The following CR1 variants were observed in gnomAD, a reference collection of about 807,000 sequenced individuals.
The protein encoded by CR1 is complement receptor type 1.
Under a neutral mutation model 187.3 loss-of-function variants are expected in CR1, and 116 were observed. The ratio of observed to expected loss-of-function variants is 0.62; its 90% confidence interval spans 0.53 to 0.72. The LOEUF (loss-of-function observed/expected upper bound fraction) is 0.72. Ranked by LOEUF, CR1 falls within the 30% of genes least tolerant of loss-of-function variation. The probability of loss-of-function intolerance (pLI) is 0.00; values close to 1 mark genes in which losing one functional copy is unlikely to be tolerated. For synonymous variants in CR1, 576 were observed against 747.1 expected (o/e 0.77, Z 3.73); for missense variants, 1,731 against 2,110.7 (o/e 0.82, Z 3.52).
rs754960603 is a variant in CR1 at position 207,618,173 on chromosome 1, A to G, written c.6992A>G (p.Tyr2331Cys). 1 of 1,613,832 alleles carries G rather than the reference A, an allele frequency of 6.2e-7. No homozygotes were observed. Among genetic ancestry groups the G allele is most frequent in the South Asian group, 1.1e-5 (1 of 91,072 alleles). Reference protein sequence around the residue: ...MTISYICDPGYLLVGKGFIFC... With the variant: ...MTISYICDPGCLLVGKGFIFC... Reference sequence around the variant, plus strand: ...ATCAGCTACATTTGTGACCCCGGCTACCTGTTAGTGGGAAAGGGCTTCATT... The same window carrying G: ...ATCAGCTACATTTGTGACCCCGGCTGCCTGTTAGTGGGAAAGGGCTTCATT... Residue 2331 changes from tyrosine (Y) to cysteine (C), a missense_variant, in exon 42 of 47, where the codon TAC becomes TGC. Physicochemically the swap from Tyr to Cys is radical, Grantham distance 194. Coordinates refer to ENST00000367049, the MANE Select transcript of CR1 (RefSeq NM_000651.6).
chr1:207,577,402 A>G (rs1660785900), intron 28 of CR1, among the ~76,000 whole-genome samples: 1 of 152,232 alleles, frequency 6.6e-6, no homozygotes, highest in African/African-American at 2.4e-5. Context: ...TGAGAATAAT[A>G]TTGTCAATAT....
chr1:207,626,853 G>T (rs1310197074), intron 45 of CR1, among the ~76,000 whole-genome samples: 1 of 152,078 alleles, frequency 6.6e-6, no homozygotes, highest in Admixed American at 6.5e-5. Context: ...GCCTGGCCAA[G>T]ATGGCAAAAC....
At chr1:207,605,434 A>G (rs941211868) in intron 35 of CR1, among the ~76,000 whole-genome samples, 2 of 152,120 alleles carry the variant, frequency 1.3e-5, no homozygotes, top group African/African-American at 4.8e-5. Context: ...CAACAGAAAC[A>G]TATATCAAAA....
At chr1:207,593,047 C>T (rs1661320698) in intron 35 of CR1, among the ~76,000 whole-genome samples, 1 of 139,540 alleles carries the variant, frequency 7.2e-6, no homozygotes, top group Non-Finnish European at 1.5e-5. Flanking sequence ...TCAATGCTAT[C>T]CCCATCAAAT....
intron 35 of CR1, among the ~76,000 whole-genome samples, chr1:207,606,749 G>A (rs1430935769): frequency 6.6e-6 from 1 of 152,114 alleles, no homozygotes; most frequent in African/African-American, 2.4e-5. Flanking sequence ...CAAGTGTAGG[G>A]GTGTTTAGCT....
chr1:207,613,979 C>T (rs745592856), intron 39 of CR1, among the ~76,000 whole-genome samples: 2 of 152,110 alleles, frequency 1.3e-5, no homozygotes, highest in Non-Finnish European at 2.9e-5. Flanking sequence ...CTTACCAAAT[C>T]GAGAGCTGTT....
intron 41 of CR1, among the ~76,000 whole-genome samples, chr1:207,617,540 T>TGTGTA (rs1558271403): frequency 1.4e-4 from 14 of 101,604 alleles, no homozygotes; most frequent in Non-Finnish European, 2.0e-4. Flanking sequence ...TGTGTGTGTA[T>TGTGTA]GTGTGTATAT....
chr1:207,641,378 G>C lies in CR1; in HGVS notation c.*1969G>C, dbSNP rs956738592. ...TATTTTGGAGACAGGGTCTTGCTCT[G>C]TTACCCAGGCTGGAGTGCAGTGGTG... On this transcript the variant is annotated 3_prime_UTR_variant, in exon 47 of 47. Transcript: ENST00000367049. 1 of 152,012 alleles carries C rather than the reference G, an allele frequency of 6.6e-6. No homozygotes were observed. The highest frequency in any genetic ancestry group is 1.5e-5 in the Non-Finnish European group (1 of 68,008). The allele number at this position is 152,012 out of a possible 1,614,324, so 9.4% of individuals were successfully genotyped here.
chr1:207,588,137 G>A (rs1216574401), intron 34 of CR1, among the ~76,000 whole-genome samples: 1 of 152,092 alleles, frequency 6.6e-6, no homozygotes, highest in Non-Finnish European at 1.5e-5. Context: ...GACTTGTTTT[G>A]TTTTTGTTTT....
chr1:207,631,155 C>T (rs1265282992), intron 46 of CR1, among the ~76,000 whole-genome samples: 1 of 152,176 alleles, frequency 6.6e-6, no homozygotes, highest in Non-Finnish European at 1.5e-5. Flanking sequence ...CTATTCAAAG[C>T]AGGCTTACTG....
At chr1:207,609,730 G>T (rs12062039) in intron 37 of CR1, 42 bp downstream of exon 37, 1 of 1,502,892 alleles carries the variant, frequency 6.7e-7, no homozygotes, top group Non-Finnish European at 8.9e-7. Flanking sequence ...GTGAGGGTAC[G>T]TATAGATGAT....
chr1:207,597,285 C>T (rs1200755547), intron 35 of CR1, among the ~76,000 whole-genome samples: 1 of 151,952 alleles, frequency 6.6e-6, no homozygotes, highest in African/African-American at 2.4e-5. Context: ...TGAATGATTC[C>T]AATCCCCCCT....
At chr1:207,523,041 G>A (rs188894255) in intron 4 of CR1, among the ~76,000 whole-genome samples, 2 of 152,062 alleles carry the variant, frequency 1.3e-5, no homozygotes, top group Admixed American at 1.3e-4. Flanking sequence ...ATTACATTTG[G>A]AAGTATATTT....
At chr1:207,624,151 C>T (rs1027495723) in intron 45 of CR1, among the ~76,000 whole-genome samples, 1 of 151,968 alleles carries the variant, frequency 6.6e-6, no homozygotes, top group South Asian at 2.1e-4. Context: ...GTCTTGAATT[C>T]CTGACCTCAA....
Position 207,611,783 on chromosome 1 carries a change from C to T in CR1, c.6402C>T (p.Asp2134=). ...TCTACAGCTGTGAGCCCAGCTATGA[C>T]CTCAGAGGGGCTGCGTCTCTGCACT... ...EVFYSCEPSY[D]LRGAASLHCT... The change falls in exon 38 of 47, where the codon GAC becomes GAT. Residue 2134 remains aspartate, a synonymous_variant. Coordinates refer to ENST00000367049, the MANE Select transcript of CR1 (RefSeq NM_000651.6). The T allele has an allele frequency of 6.2e-7, 1 of 1,614,000 alleles. No homozygotes were observed. Among genetic ancestry groups the T allele is most frequent in the Middle Eastern group, 1.6e-4 (1 of 6,062 alleles).
intron 1 of CR1, among the ~76,000 whole-genome samples, chr1:207,499,106 A>G (rs1412784865): frequency 6.6e-6 from 1 of 152,130 alleles, no homozygotes; most frequent in East Asian, 1.9e-4. Flanking sequence ...CCAACTATAT[A>G]CTGTGTACAA....
At chr1:207,566,218 T>C (rs932560037) in intron 24 of CR1, among the ~76,000 whole-genome samples, 1 of 150,102 alleles carries the variant, frequency 6.7e-6, no homozygotes, top group Non-Finnish European at 1.5e-5. Flanking sequence ...TTTCTTTCTT[T>C]CTCTAGTTTT....
At chr1:207,622,829 G>A (rs962540309) in intron 44 of CR1, among the ~76,000 whole-genome samples, 164 bp from the exon 45 acceptor site, 4 of 152,052 alleles carry the variant, frequency 2.6e-5, no homozygotes, top group African/African-American at 9.7e-5. Flanking sequence ...CCCTGTGGGA[G>A]TGAGACTAAT....
At chr1:207,511,814 T>A (rs1279517192) in intron 4 of CR1, among the ~76,000 whole-genome samples, 160 bp downstream of exon 4, 1 of 152,232 alleles carries the variant, frequency 6.6e-6, no homozygotes, top group Non-Finnish European at 1.5e-5. Context: ...TCCTGGCAAC[T>A]CTTTCTTTAA....
Sources: allele counts gnomAD v4.1 joint callset (sites outside exome capture counted in the v4.1 genomes callset), GRCh38; gene constraint gnomAD v4.1.1; transcripts MANE v1.5; gene names NCBI Gene and HGNC (gene_info 2026-07-23, HGNC 2026-07-21).